The following USP32 variants were observed in gnomAD, a reference collection of about 807,000 sequenced individuals.
USP32 encodes the protein ubiquitin carboxyl-terminal hydrolase 32.
Under a neutral mutation model 204.8 loss-of-function variants are expected in USP32, and 59 were observed. That is an observed-to-expected ratio of 0.29 (90% CI 0.23 to 0.36). USP32 has a LOEUF of 0.36. Among genes scored for constraint, USP32 ranks in the 10% least tolerant of loss-of-function variants. The pLI, the probability that USP32 is intolerant of heterozygous loss-of-function variation, is 1.00. For missense variants in USP32, 1,160 were observed against 1,946.4 expected (o/e 0.60, Z 7.60); for synonymous variants, 517 against 678.4 (o/e 0.76, Z 3.70).
At chr17:60,298,677 G>A (rs967529323) in intron 3 of USP32, among the ~76,000 whole-genome samples, 1 of 152,018 alleles carries the variant, frequency 6.6e-6, no homozygotes, top group Non-Finnish European at 1.5e-5. Flanking sequence ...ATTGCTGCCT[G>A]GGGCCAATTT....
Position 60,392,045 on chromosome 17 carries a change from CCGCCCCCACCT to C in USP32, c.-117_-107del. ...GTGACGGTGACGGTGTCGGCGTCCC[CCGCCCCCACCT>C]CCCCCCACACTAACAAGTGCGGCTT... On this transcript the variant is annotated 5_prime_UTR_variant, in exon 1 of 34. Coordinates refer to ENST00000300896, the MANE Select transcript of USP32 (RefSeq NM_032582.4). 1.7e-5 allele frequency: 22 copies of C among 1,332,646 alleles called. No individual in the cohort carries two copies. Among genetic ancestry groups the C allele is most frequent in the Non-Finnish European group, 2.1e-5 (20 of 971,904 alleles). The allele number at this position is 1,332,646 out of a possible 1,614,324, so 82.6% of individuals were successfully genotyped here.
intron 26 of USP32, among the ~76,000 whole-genome samples, chr17:60,198,801 G>T (rs779293089): frequency 2.0e-5 from 3 of 152,128 alleles, no homozygotes; most frequent in Non-Finnish European, 2.9e-5. Flanking sequence ...AACAATTAAG[G>T]CTCTTTCTTT....
chr17:60,238,157 A>G (rs950292738), intron 11 of USP32, among the ~76,000 whole-genome samples: 1 of 152,186 alleles, frequency 6.6e-6, no homozygotes, highest in African/African-American at 2.4e-5. Flanking sequence ...AATTACGTTG[A>G]GCATCTTTTC....
At chr17:60,392,447 G>C (rs982119558), upstream of USP32, 3 of 231,024 alleles carry the variant, frequency 1.3e-5, no homozygotes, top group Non-Finnish European at 2.7e-5. Flanking sequence ...CGCTGGCGAC[G>C]GGGGGTGGTG....
chr17:60,279,314 T>C (rs375064519), intron 5 of USP32, among the ~76,000 whole-genome samples: 7 of 151,636 alleles, frequency 4.6e-5, no homozygotes, highest in African/African-American at 1.5e-4. Context: ...TGAGATCCCA[T>C]CTCTACAAAT....
intron 2 of USP32, among the ~76,000 whole-genome samples, chr17:60,321,008 C>T (rs944857825): frequency 6.6e-6 from 1 of 152,162 alleles, no homozygotes; most frequent in South Asian, 2.1e-4. Flanking sequence ...CGGATACAGA[C>T]GCAGTAGCAC....
chr17:60,306,784 C>T (rs147771097), intron 2 of USP32, among the ~76,000 whole-genome samples: 1,937 of 152,088 alleles, frequency 0.013, 22 homozygotes, highest in Non-Finnish European at 0.022. Flanking sequence ...TTTAGAAAAA[C>T]CTAAAGATTC....
chr17:60,192,320 G>C (rs1234719780), intron 28 of USP32, among the ~76,000 whole-genome samples: 1 of 152,064 alleles, frequency 6.6e-6, no homozygotes. Context: ...CAAAAAAGGA[G>C]AGGTGAAGTT....
Position 60,177,926 on chromosome 17 carries a change from G to A in USP32, c.*1329C>T, listed in dbSNP as rs148043947. Among the ~76,000 whole-genome samples the A allele has an allele frequency of 0.02, 3,089 of 151,944 alleles. 99 individuals are homozygous for A. Among genetic ancestry groups the A allele is most frequent in the African/African-American group, 0.07 (2,892 of 41,444 alleles). ...ATGAATAAACAAAGACCAAAAATAAGGTGAAACATTTCCTTCAAGTATATA... is the reference window on the plus strand; with the variant it reads ...ATGAATAAACAAAGACCAAAAATAAAGTGAAACATTTCCTTCAAGTATATA... On this transcript the variant is annotated 3_prime_UTR_variant, in exon 34 of 34. Transcript: ENST00000300896.
intron 1 of USP32, among the ~76,000 whole-genome samples, chr17:60,352,427 G>T (rs1017081929): frequency 6.6e-6 from 1 of 152,196 alleles, no homozygotes; most frequent in Non-Finnish European, 1.5e-5. Context: ...CCATGGAACT[G>T]CCATATGACC....
chr17:60,421,504 T>A lies in USP32; in HGVS notation c.106+742A>T, dbSNP rs1027924039. On this transcript the variant is annotated intron_variant, in intron 1 of 3. Transcript: ENST00000588898. ...CAGGGCCACACTGAGTGGGGACAAC[T>A]GGGCCCGGGCCCAGAGGACACGAAG... The A allele has an allele frequency of 8.1e-6, 8 of 985,268 alleles. No homozygotes were observed. In the Admixed American group the frequency reaches 3.7e-4, roughly 45 times the overall value. The allele number at this position is 985,268 out of a possible 1,614,324, so 61.0% of individuals were successfully genotyped here. A position where few individuals can be genotyped will look rare whatever the true frequency, so the allele number is the denominator to read the frequency against.
In USP32 at chr17:60,212,111, A is replaced by G; in HGVS notation, c.2105-13T>C. 6.3e-7 allele frequency: 1 copy of G among 1,589,746 alleles called. No individual in the cohort carries two copies. ...TCTTTGTTGCGAACTGGAAGGACAG[A>G]TAGGAATGTGTTAATTTCTTATCTA... is the stretch of plus-strand genomic sequence containing the variant. On this transcript the variant is annotated splice_polypyrimidine_tract_variant and intron_variant, in intron 18 of 33. Transcript: ENST00000300896.
chr17:60,326,241 G>T (rs1296576376), intron 2 of USP32, among the ~76,000 whole-genome samples: 5 of 151,734 alleles, frequency 3.3e-5, no homozygotes, highest in Non-Finnish European at 4.4e-5. Context: ...ATCAAAGATT[G>T]CATTTCATCA....
chr17:60,242,296 C>T (rs1043188231), intron 11 of USP32, among the ~76,000 whole-genome samples: 1 of 152,070 alleles, frequency 6.6e-6, no homozygotes, highest in Non-Finnish European at 1.5e-5. Flanking sequence ...CTCAGCTCCT[C>T]CTGGACCATT....
intron 8 of USP32, 76 bp downstream of exon 8, chr17:60,265,900 C>T: frequency 8.6e-7 from 1 of 1,164,140 alleles, no homozygotes; most frequent in South Asian, 1.3e-5. Flanking sequence ...TTATTTTATG[C>T]TTTTAAAGAA....
At chr17:60,279,937 A>C (rs2086928846) in intron 5 of USP32, among the ~76,000 whole-genome samples, 1 of 151,696 alleles carries the variant, frequency 6.6e-6, no homozygotes, top group African/African-American at 2.4e-5. Flanking sequence ...AAATTAGTTA[A>C]GATGTATTAA....
chr17:60,206,733 T>C (rs868215944), intron 25 of USP32, among the ~76,000 whole-genome samples: 9 of 152,178 alleles, frequency 5.9e-5, no homozygotes, highest in African/African-American at 1.9e-4. Context: ...TCTGGTAGTA[T>C]GTTCCTCTCA....
intron 1 of USP32, among the ~76,000 whole-genome samples, chr17:60,421,050 T>C (rs2143138103): frequency 6.6e-6 from 1 of 152,328 alleles, no homozygotes; most frequent in East Asian, 1.9e-4. Flanking sequence ...TCACAGAGCA[T>C]GCACATTTAA....
intron 32 of USP32, 77 bp from the exon 33 acceptor site, chr17:60,180,714 A>G: frequency 2.9e-6 from 4 of 1,365,762 alleles, no homozygotes; most frequent in Admixed American, 1.9e-5. Flanking sequence ...GGATCTGAGC[A>G]GGAGAACACT....
Sources: gnomAD v4.1 joint callset for allele counts (sites outside exome capture counted in the v4.1 genomes callset) on GRCh38, gnomAD v4.1.1 for gene constraint, MANE v1.5 for transcripts, NCBI Gene and HGNC (gene_info 2026-07-23, HGNC 2026-07-21) for gene names.